Variants in LRRC9 observed in about 807,000 individuals in gnomAD.
The protein encoded by LRRC9 is leucine-rich repeat-containing protein 9.
Under a neutral mutation model 63.2 loss-of-function variants are expected in LRRC9, and 122 were observed. The ratio of observed to expected loss-of-function variants is 1.93; its 90% CI spans 1.67 to 2.24. The LOEUF (loss-of-function observed/expected upper bound fraction) is 2.24, where lower values mean the gene tolerates loss of function less well. Among genes scored for constraint, LRRC9 ranks in the 30% most tolerant of loss-of-function variants. The pLI is 0.00. For synonymous variants in LRRC9, 366 were observed against 213.1 expected (o/e 1.72, Z -6.25); for missense variants, 1,071 against 627.7 (o/e 1.71, Z -7.55).
At position 60,008,222 on chromosome 14, in the gene LRRC9, G is replaced by A. The variant is rs1566871608; in HGVS notation, c.3186+8G>A. On this transcript the variant is annotated splice_region_variant and intron_variant, in intron 23 of 31. Coordinates refer to ENST00000445360, the Ensembl canonical transcript of LRRC9. The stretch of plus-strand genomic sequence containing the variant: ...TTGGATGGGATACCAATTGTAAGTT[G>A]ATTTATGACTCACAACATTTGGTCT... 1.4e-6 allele frequency: 1 copy of A among 696,094 alleles called. No homozygotes were observed. Among genetic ancestry groups the A allele is most frequent in the Non-Finnish European group, 2.6e-6 (1 of 381,912 alleles). The allele number at this position is 696,094 out of a possible 1,614,324, so 43.1% of individuals were successfully genotyped here.
intron 29 of LRRC9, among the ~76,000 whole-genome samples, chr14:60,047,490 G>C (rs1262334655): frequency 1.3e-5 from 2 of 152,052 alleles, no homozygotes; most frequent in Non-Finnish European, 2.9e-5. Flanking sequence ...ACAGAAAAAA[G>C]CAAAGGTCAC....
chr14:59,947,851 T>C (rs1452829318), intron 8 of LRRC9, among the ~76,000 whole-genome samples: 2 of 151,494 alleles, frequency 1.3e-5, no homozygotes, highest in Non-Finnish European at 3.0e-5. Context: ...GGCTCTGTTC[T>C]GTTCCATTGA....
intron 12 of LRRC9, among the ~76,000 whole-genome samples, 191 bp downstream of exon 12, chr14:59,967,404 T>C (rs1299497442): frequency 6.6e-6 from 1 of 152,222 alleles, no homozygotes; most frequent in Non-Finnish European, 1.5e-5. Context: ...GTAAGCCCAT[T>C]AATTACTACT....
intron 3 of LRRC9, among the ~76,000 whole-genome samples, chr14:59,928,809 A>G (rs1486073656): frequency 6.6e-6 from 1 of 152,134 alleles, no homozygotes; most frequent in Admixed American, 6.5e-5. Flanking sequence ...AAGATGACAA[A>G]AACGAGCAAT....
At chr14:59,969,707 G>A (rs1885260376) in intron 12 of LRRC9, among the ~76,000 whole-genome samples, 1 of 152,130 alleles carries the variant, frequency 6.6e-6, no homozygotes, top group Admixed American at 6.6e-5. Context: ...TATCAATTCA[G>A]GATGAAGTGT....
intron 6 of LRRC9, among the ~76,000 whole-genome samples, chr14:59,934,068 A>C (rs2139797711): frequency 6.6e-6 from 1 of 152,192 alleles, no homozygotes; most frequent in African/African-American, 2.4e-5. Context: ...GAAGAAGAAA[A>C]CCCAGTCAGG....
intron 17 of LRRC9, among the ~76,000 whole-genome samples, chr14:59,987,455 T>TTTTTTTTTTTTTTTTTTTTTTTTTTTTTG (rs1887602223): frequency 3.4e-5 from 4 of 116,396 alleles, no homozygotes; most frequent in Non-Finnish European, 5.9e-5. Context: ...AACTTCTTTG[T>TTTTTTTTTTTTTTTTTTTTTTTTTTTTTG]ACTCTGTCTT....
Position 60,058,054 on chromosome 14 carries a change from G to A in LRRC9, c.4276+32G>A, listed in dbSNP as rs1486600215. ...TGACAATTTCAGATAGAATGTAAAA[G>A]AATCACTTAATTTGAAATAAAAATA... On this transcript the variant is annotated intron_variant, in intron 31 of 31. Transcript: ENST00000445360. This position sits in a 1 kb window ranked among gnomAD's most constrained non-coding sequence, Gnocchi z 4.4. 7 of 530,942 alleles carry A rather than the reference G, an allele frequency of 1.3e-5. No individual in the cohort carries two copies. The highest frequency in any genetic ancestry group is 2.5e-5 in the Non-Finnish European group (7 of 284,116). The allele number at this position is 530,942 out of a possible 1,614,324, so 32.9% of individuals were successfully genotyped here.
chr14:60,015,319 T>C (rs942839399), intron 23 of LRRC9, among the ~76,000 whole-genome samples: 2 of 152,188 alleles, frequency 1.3e-5, no homozygotes, highest in African/African-American at 4.8e-5. Flanking sequence ...ACATTCAAGT[T>C]GAGATGTTCT....
At chr14:60,047,480 A>C (rs1037688376) in intron 29 of LRRC9, among the ~76,000 whole-genome samples, 2 of 152,284 alleles carry the variant, frequency 1.3e-5, no homozygotes, top group Admixed American at 1.3e-4. Context: ...CAGATGAAAA[A>C]CAGAAAAAAG....
chr14:59,943,986 T>C (rs993831145), intron 7 of LRRC9, among the ~76,000 whole-genome samples: 1 of 152,030 alleles, frequency 6.6e-6, no homozygotes, highest in African/African-American at 2.4e-5. Flanking sequence ...ACCATTTAGC[T>C]GTTGCATATC....
At chr14:59,944,767 C>G (rs1257263693) in intron 8 of LRRC9, 23 bp downstream of exon 8, 4 of 636,640 alleles carry the variant, frequency 6.3e-6, no homozygotes. Context: ...AATGTAAAAT[C>G]CCAGTGGCCA....
At chr14:60,029,753 GACAAAT>G (rs1891844413) in intron 28 of LRRC9, among the ~76,000 whole-genome samples, 1 of 152,060 alleles carries the variant, frequency 6.6e-6, no homozygotes, top group Admixed American at 6.6e-5. Flanking sequence ...ATAGCTAAAT[GACAAAT>G]TATATATCAT....
intron 31 of LRRC9, among the ~76,000 whole-genome samples, chr14:60,062,987 G>A (rs1258296006): frequency 6.6e-6 from 1 of 152,048 alleles, no homozygotes; most frequent in Non-Finnish European, 1.5e-5. Flanking sequence ...CACCTCTTGG[G>A]TTCAAGCAAT....
At chr14:60,038,750 C>A (rs538704542) in intron 29 of LRRC9, among the ~76,000 whole-genome samples, 1 of 152,088 alleles carries the variant, frequency 6.6e-6, no homozygotes, top group African/African-American at 2.4e-5. Context: ...TAACTGAATA[C>A]GCTTTATTTC....
chr14:59,926,461 A>C (rs796211670), intron 1 of LRRC9, among the ~76,000 whole-genome samples: 4 of 152,332 alleles, frequency 2.6e-5, no homozygotes, highest in African/African-American at 9.6e-5. Flanking sequence ...TTAAAATAAA[A>C]ATTTAAGTAG....
Position 59,932,040 on chromosome 14 carries a change from G to T in LRRC9, c.543+1G>T, listed in dbSNP as rs764715425. The T allele has an allele frequency of 1.4e-6, 1 of 697,806 alleles. No homozygotes were observed. Among genetic ancestry groups the T allele is most frequent in the Admixed American group, 2.0e-5 (1 of 49,214 alleles). The allele number at this position is 697,806 out of a possible 1,614,324, so 43.2% of individuals were successfully genotyped here. A position where few individuals can be genotyped will look rare whatever the true frequency, so the allele number is the denominator to read the frequency against. On this transcript the variant is annotated splice_donor_variant, in intron 6 of 31. Transcript: ENST00000445360. LOFTEE classifies it high-confidence loss of function. This position sits in a 1 kb window ranked among gnomAD's most constrained non-coding sequence, Gnocchi z 4.7. ...TGGTAACCAAATATGTTCTTTCAAG[G>T]TATGTTTAAGTGGAATAATTAATTT...
At chr14:60,007,703 T>G (rs1424231906) in intron 22 of LRRC9, among the ~76,000 whole-genome samples, 1 of 152,152 alleles carries the variant, frequency 6.6e-6, no homozygotes, top group Non-Finnish European at 1.5e-5. Context: ...TAAAAGGGAT[T>G]CTGATTATAT....
At chr14:59,926,134 C>T (rs564993508) in intron 1 of LRRC9, among the ~76,000 whole-genome samples, 4 of 152,192 alleles carry the variant, frequency 2.6e-5, no homozygotes, top group East Asian at 1.9e-4. Context: ...TATCCAGTCT[C>T]GGGCATGTGT....
Sources: allele counts gnomAD v4.1 joint callset (sites outside exome capture counted in the v4.1 genomes callset), GRCh38; gene constraint gnomAD v4.1.1; non-coding constraint Gnocchi (gnomAD v3.1); transcripts MANE v1.5; gene names NCBI Gene and HGNC (gene_info 2026-07-23, HGNC 2026-07-21).